The following LRRC4C variants were observed in gnomAD, a reference collection of about 807,000 sequenced individuals.
LRRC4C encodes leucine rich repeat containing 4C, also known as leucine-rich repeat-containing protein 4C.
In LRRC4C, 5 loss-of-function variants were observed where a neutral mutation model predicts 33.6. The observed-to-expected ratio is 0.15, with a 90% CI of 0.08 to 0.31. LRRC4C has a LOEUF of 0.31. Ranked by LOEUF, LRRC4C falls within the 10% of genes least tolerant of loss-of-function variation. LRRC4C has a pLI of 1.00. For missense variants in LRRC4C, 560 were observed against 796.7 expected (o/e 0.70, Z 3.58); for synonymous variants, 329 against 302.0 (o/e 1.09, Z -0.93).
chr11:41,055,367 A>G (rs1858544513), intron 1 of LRRC4C, among the ~76,000 whole-genome samples: 1 of 152,284 alleles, frequency 6.6e-6, no homozygotes, highest in East Asian at 1.9e-4. Context: ...AAATAAAGCT[A>G]TTATAAACAT....
At chr11:40,527,976 C>T (rs183997376) in intron 3 of LRRC4C, among the ~76,000 whole-genome samples, 283 of 152,162 alleles carry the variant, frequency 1.9e-3, no homozygotes, top group Middle Eastern at 3.4e-3. Flanking sequence ...GAACTCCTGA[C>T]CTCAAGTGAT....
At chr11:40,412,193 T>A (rs919579091) in intron 3 of LRRC4C, among the ~76,000 whole-genome samples, 1 of 152,042 alleles carries the variant, frequency 6.6e-6, no homozygotes, top group African/African-American at 2.4e-5. Flanking sequence ...GTCATAATTT[T>A]GTCTTAAAAA....
In LRRC4C at chr11:41,441,614, T is replaced by TAAA. The variant is rs5791441; in HGVS notation, c.-496+17814_-496+17816dup. ...CTGAGAAAATTTATTTTTTTCCAGTTAAAAAAAAAAAAAAAAGATAGATGT... is the reference window on the plus strand; with the variant it reads ...CTGAGAAAATTTATTTTTTTCCAGTTAAAAAAAAAAAAAAAAAAAGATAGATGT... On this transcript the variant is annotated intron_variant, in intron 1 of 6. Coordinates refer to ENST00000528697, the MANE Select transcript of LRRC4C (RefSeq NM_001258419.2). Among the ~76,000 whole-genome samples the TAAA allele has an allele frequency of 4.3e-5, 6 of 139,924 alleles. No homozygotes were observed. The South Asian group carries it at 9.2e-4, about 22-fold the overall frequency. 91.8% of individuals were successfully genotyped at this position (139,924 alleles called of 152,430 possible).
intron 1 of LRRC4C, among the ~76,000 whole-genome samples, chr11:41,409,478 T>G (rs756560145): frequency 7.9e-5 from 12 of 152,216 alleles, no homozygotes; most frequent in Admixed American, 1.3e-4. Context: ...CCTCATGAAA[T>G]TGTCTTTTTT....
chr11:41,038,478 A>T (rs143859348), intron 1 of LRRC4C, among the ~76,000 whole-genome samples: 2 of 152,238 alleles, frequency 1.3e-5, no homozygotes, highest in East Asian at 3.9e-4. Context: ...CCTTGTTCTC[A>T]CTTTATTTGC....
intron 1 of LRRC4C, among the ~76,000 whole-genome samples, chr11:41,436,702 C>A (rs553196342): frequency 6.0e-4 from 91 of 151,784 alleles, no homozygotes; most frequent in African/African-American, 2.1e-3. Flanking sequence ...CAGTTGAATT[C>A]AGGTTATACA....
intron 3 of LRRC4C, among the ~76,000 whole-genome samples, chr11:40,581,084 G>T (rs1271752835): frequency 6.6e-6 from 1 of 152,036 alleles, no homozygotes; most frequent in Non-Finnish European, 1.5e-5. Flanking sequence ...TTATTCCTTT[G>T]ACTGCTTTTC....
intron 2 of LRRC4C, among the ~76,000 whole-genome samples, chr11:40,760,114 A>G (rs1949134871): frequency 6.6e-6 from 1 of 152,076 alleles, no homozygotes; most frequent in Admixed American, 6.6e-5. Context: ...TTAGCAAATT[A>G]TGTTTCCTGG....
chr11:40,536,481 C>T (rs945162983), intron 3 of LRRC4C, among the ~76,000 whole-genome samples: 2 of 152,122 alleles, frequency 1.3e-5, no homozygotes, highest in South Asian at 2.1e-4. Context: ...CGTGAGCCAC[C>T]GTGCCCGGCC....
chr11:41,100,560 G>C (rs146824716), intron 1 of LRRC4C, among the ~76,000 whole-genome samples: 2,849 of 151,566 alleles, frequency 0.019, 91 homozygotes, highest in African/African-American at 0.065. Flanking sequence ...AAGAAAGAAA[G>C]TCCATCTCAA....
intron 1 of LRRC4C, among the ~76,000 whole-genome samples, chr11:41,349,782 C>T (rs549637481): frequency 4.5e-4 from 68 of 152,306 alleles, no homozygotes; most frequent in Admixed American, 7.8e-4. Context: ...TCCAAACAGC[C>T]ACACTAGGTC....
intron 2 of LRRC4C, among the ~76,000 whole-genome samples, chr11:40,763,937 A>G (rs150535753): frequency 1.6e-4 from 24 of 152,296 alleles, no homozygotes; most frequent in Non-Finnish European, 3.4e-4. Context: ...GCTCAGAGCC[A>G]GTGGAATTGC....
chr11:40,383,971 G>GTGT (rs941955267), intron 3 of LRRC4C, among the ~76,000 whole-genome samples: 9 of 145,488 alleles, frequency 6.2e-5, no homozygotes, highest in Admixed American at 6.2e-4. Flanking sequence ...TGAGTTGTAT[G>GTGT]TGTCTATTAT....
chr11:40,968,964 G>T lies in LRRC4C; in HGVS notation c.-495-35241C>A, dbSNP rs182645848. On this transcript the variant is annotated intron_variant, in intron 1 of 6. Coordinates refer to ENST00000528697, the MANE Select transcript of LRRC4C (RefSeq NM_001258419.2). ...AAACACATTGTATAGGAATATAGCT[G>T]CCACAGGTAGTGATTTCTTTAATGG... Among the ~76,000 whole-genome samples, 451 of 152,252 alleles carry T rather than the reference G, an allele frequency of 3.0e-3. 2 individuals are homozygous for T. The highest frequency in any genetic ancestry group is 8.9e-3 in the African/African-American group (369 of 41,564).
At chr11:40,164,609 G>A (rs1207885331) in intron 5 of LRRC4C, among the ~76,000 whole-genome samples, 1 of 152,174 alleles carries the variant, frequency 6.6e-6, no homozygotes, top group Admixed American at 6.5e-5. Context: ...GCACTAGAAA[G>A]ACAAATATTC....
rs543428071 is a variant in LRRC4C, at chr11:41,212,912, A to G, written c.-496+246519T>C. ...ACCTAACACATTGAAACACATGGCT[A>G]AGGTAAATCGTAAAGGCTTTAAAAA... On this transcript the variant is annotated intron_variant, in intron 1 of 6. Coordinates refer to ENST00000528697, the MANE Select transcript of LRRC4C (RefSeq NM_001258419.2). 4.6e-5 allele frequency among the ~76,000 whole-genome samples: 7 copies of G among 152,304 alleles called. No homozygotes were observed. The South Asian group carries it at 1.5e-3, about 32-fold the overall frequency.
Position 40,834,884 on chromosome 11 carries a change from G to GCAGACAGA in LRRC4C, c.-407+98743_-407+98750dup, listed in dbSNP as rs201366160. 1.4e-3 allele frequency among the ~76,000 whole-genome samples: 172 copies of GCAGACAGA among 122,246 alleles called. 43 individuals carry two copies. Among genetic ancestry groups the GCAGACAGA allele is most frequent in the East Asian group, 5.1e-3 (18 of 3,546 alleles). 80.2% of individuals were successfully genotyped at this position (122,246 alleles called of 152,430 possible). On this transcript the variant is annotated intron_variant, in intron 2 of 6. Transcript: ENST00000528697. ...CAAAACATATGCAAAGAAAAGACAGGCAGACAGACAGACAGACAGACAGAC... is the reference window on the plus strand; with the variant it reads ...CAAAACATATGCAAAGAAAAGACAGGCAGACAGACAGACAGACAGACAGACAGACAGAC...
At chr11:41,240,421 A>T (rs1948203171) in intron 1 of LRRC4C, among the ~76,000 whole-genome samples, 1 of 152,148 alleles carries the variant, frequency 6.6e-6, no homozygotes, top group African/African-American at 2.4e-5. Flanking sequence ...CAGCCTGAAA[A>T]ACCACAGATT....
chr11:40,961,969 C>A (rs1229633803), intron 1 of LRRC4C, among the ~76,000 whole-genome samples: 1 of 151,450 alleles, frequency 6.6e-6, no homozygotes, highest in Non-Finnish European at 1.5e-5. Flanking sequence ...CAGCCATACC[C>A]ATTATTTATG....
Sources: gnomAD v4.1 joint callset for allele counts (sites outside exome capture counted in the v4.1 genomes callset) on GRCh38, gnomAD v4.1.1 for gene constraint, MANE v1.5 for transcripts, NCBI Gene and HGNC (gene_info 2026-07-23, HGNC 2026-07-21) for gene names.